KAZN: variants seen among roughly 807,000 people sequenced by gnomAD.
KAZN encodes kazrin.
Under a neutral mutation model 87.4 loss-of-function variants are expected in KAZN, and 40 were observed. The ratio of observed to expected loss-of-function variants is 0.46; its 90% CI spans 0.36 to 0.60. The LOEUF (loss-of-function observed/expected upper bound fraction) is 0.60. Among genes scored for constraint, KAZN ranks in the 20% least tolerant of loss-of-function variants. The pLI, the probability that KAZN is intolerant of heterozygous loss-of-function variation, is 0.00. For missense variants in KAZN, 898 were observed against 1,073.9 expected, an observed-to-expected ratio of 0.84 and a Z score of 2.29; for synonymous variants, 466 against 458.3, an observed-to-expected ratio of 1.02 and a Z score of -0.22.
chr1:14,410,165 G>A (rs1664193263), intron 2 of KAZN, among the ~76,000 whole-genome samples: 1 of 152,196 alleles, frequency 6.6e-6, no homozygotes. Flanking sequence ...GTGCAGCAGC[G>A]TGATCTCGTC....
At chr1:14,486,118 G>T (rs1219342834) in intron 2 of KAZN, among the ~76,000 whole-genome samples, 1 of 152,048 alleles carries the variant, frequency 6.6e-6, no homozygotes, top group Non-Finnish European at 1.5e-5. Context: ...CCACTTTGGG[G>T]CTCGCCTGCC....
chr1:14,629,950 C>G (rs1017120593), intron 1 of KAZN, among the ~76,000 whole-genome samples: 3 of 150,996 alleles, frequency 2.0e-5, no homozygotes, highest in Non-Finnish European at 4.4e-5. Context: ...CCCCCTGCCA[C>G]GCCGCCCCCA....
chr1:14,334,251 G>A (rs1415162140), intron 2 of KAZN, among the ~76,000 whole-genome samples: 1 of 148,426 alleles, frequency 6.7e-6, no homozygotes, highest in Non-Finnish European at 1.5e-5. Context: ...TGTAATCCCA[G>A]CTACTTGGGA....
intron 2 of KAZN, among the ~76,000 whole-genome samples, chr1:14,437,083 G>T (rs1344228375): frequency 6.6e-6 from 1 of 152,202 alleles, no homozygotes; most frequent in African/African-American, 2.4e-5. Flanking sequence ...CTCTTGTGAA[G>T]CTGGTGCTGA....
chr1:14,743,119 TG>T (rs1322213220), intron 1 of KAZN, among the ~76,000 whole-genome samples: 1 of 152,000 alleles, frequency 6.6e-6, no homozygotes, highest in Non-Finnish European at 1.5e-5. Flanking sequence ...GAGAGTTCCA[TG>T]GGGGTCAGGA....
At chr1:14,068,859 C>T (rs78212749) in intron 1 of KAZN, among the ~76,000 whole-genome samples, 2,514 of 149,062 alleles carry the variant, frequency 0.017, 52 homozygotes, top group East Asian at 0.082. Flanking sequence ...AGTGCAGTGG[C>T]GCCATCTCAG....
At chr1:15,108,395 A>G (rs72640722) in intron 13 of KAZN, among the ~76,000 whole-genome samples, 7,784 of 152,320 alleles carry the variant, frequency 0.051, 220 homozygotes, top group Middle Eastern at 0.068. Flanking sequence ...CTTTGAGGCC[A>G]CATTCTGGCT....
intron 4 of KAZN, among the ~76,000 whole-genome samples, chr1:15,045,114 G>T (rs1673342291): frequency 6.6e-6 from 1 of 152,126 alleles, no homozygotes; most frequent in Admixed American, 6.5e-5. Context: ...AACTGTTCTG[G>T]GCTTCAGTGC....
At chr1:14,958,362 GTACAT>G (rs1663404226) in intron 1 of KAZN, among the ~76,000 whole-genome samples, 1 of 102,202 alleles carries the variant, frequency 9.8e-6, no homozygotes, top group Non-Finnish European at 2.5e-5. Context: ...CACTTCTTGG[GTACAT>G]GGAGCACTTC....
intron 2 of KAZN, among the ~76,000 whole-genome samples, chr1:14,366,459 A>C (rs1044769362): frequency 1.3e-5 from 2 of 152,238 alleles, no homozygotes; most frequent in African/African-American, 2.4e-5. Context: ...GAAGCAGGAT[A>C]TCTTTCCTAA....
intron 6 of KAZN, 88 bp downstream of exon 6, chr1:15,060,390 G>GT: frequency 6.5e-7 from 1 of 1,537,804 alleles, no homozygotes; most frequent in Non-Finnish European, 8.9e-7. Flanking sequence ...CATACTCGCT[G>GT]TTTCCTCTCG....
At chr1:14,060,181 G>A (rs994229325) in intron 1 of KAZN, among the ~76,000 whole-genome samples, 7 of 151,994 alleles carry the variant, frequency 4.6e-5, no homozygotes, top group Admixed American at 1.3e-4. Flanking sequence ...AGCTAACACA[G>A]TGAAACCCCG....
At chr1:14,498,460 G>A (rs1303937908) in intron 2 of KAZN, among the ~76,000 whole-genome samples, 1 of 152,204 alleles carries the variant, frequency 6.6e-6, no homozygotes, top group Non-Finnish European at 1.5e-5. Context: ...GGGAGGCCGA[G>A]GCAGGTGGAT....
chr1:14,037,581 G>A (rs1012100605), intron 1 of KAZN, among the ~76,000 whole-genome samples: 9 of 152,238 alleles, frequency 5.9e-5, no homozygotes, highest in South Asian at 2.1e-4. Context: ...TGTGGCTTGC[G>A]GGGAGAAAGA....
intron 1 of KAZN, among the ~76,000 whole-genome samples, chr1:14,149,104 CTTTTT>C (rs57657728): frequency 2.9e-5 from 2 of 69,592 alleles, no homozygotes; most frequent in African/African-American, 5.5e-5. Context: ...TCTTTCTTTC[CTTTTT>C]TTTTTTTTTT....
intron 1 of KAZN, among the ~76,000 whole-genome samples, chr1:14,606,702 C>T (rs915820442): frequency 6.6e-6 from 1 of 152,084 alleles, no homozygotes; most frequent in Admixed American, 6.6e-5. Context: ...AAACAGATAC[C>T]TTCATGCTAG....
intron 1 of KAZN, among the ~76,000 whole-genome samples, chr1:14,142,577 C>T (rs1645263724): frequency 6.6e-6 from 1 of 152,196 alleles, no homozygotes; most frequent in Admixed American, 6.5e-5. Context: ...TCCTCGTATC[C>T]CTGCCAAGAC....
At chr1:14,891,000 C>T (rs1252393739) in intron 1 of KAZN, among the ~76,000 whole-genome samples, 2 of 151,734 alleles carry the variant, frequency 1.3e-5, no homozygotes, top group African/African-American at 2.4e-5. Flanking sequence ...CCCGTCACCA[C>T]GCCCGGCTAA....
chr1:14,368,082 GA>G (rs1282829233), intron 2 of KAZN, among the ~76,000 whole-genome samples: 1 of 152,136 alleles, frequency 6.6e-6, no homozygotes, highest in East Asian at 1.9e-4. Context: ...CTACTGTGAA[GA>G]TCTGCCTGAT....
Sources: allele counts gnomAD v4.1 joint callset (sites outside exome capture counted in the v4.1 genomes callset), GRCh38; gene constraint gnomAD v4.1.1; transcripts MANE v1.5; gene names NCBI Gene and HGNC (gene_info 2026-07-23, HGNC 2026-07-21).